Variants in NVL observed in about 807,000 individuals in gnomAD.
The protein encoded by NVL is nuclear VCP like, also known as nuclear valosin-containing protein-like.
A neutral mutation model predicts 110.2 loss-of-function variants in NVL; 84 were observed. The ratio of observed to expected loss-of-function variants is 0.76; its 90% CI spans 0.64 to 0.91. The LOEUF (loss-of-function observed/expected upper bound fraction) is 0.91. Ranked by LOEUF, NVL falls within the 40% of genes least tolerant of loss-of-function variation. The pLI is 0.00. For missense variants in NVL, 882 were observed against 1,035.9 expected, an observed-to-expected ratio of 0.85 and a Z score of 2.04; for synonymous variants, 354 against 361.1, an observed-to-expected ratio of 0.98 and a Z score of 0.22.
chr1:224,247,122 A>C (rs752193542), intron 19 of NVL, among the ~76,000 whole-genome samples: 54 of 152,214 alleles, frequency 3.5e-4, no homozygotes, highest in Non-Finnish European at 7.6e-4. Flanking sequence ...GTCATCATCA[A>C]GCTTGTTTGA....
intron 18 of NVL, among the ~76,000 whole-genome samples, chr1:224,265,260 T>C (rs1297315552): frequency 6.6e-6 from 1 of 151,882 alleles, no homozygotes; most frequent in Non-Finnish European, 1.5e-5. Flanking sequence ...ATCCCAGCAC[T>C]TTGGGAGGCC....
chr1:224,304,140 A>G (rs1373890112), intron 8 of NVL, among the ~76,000 whole-genome samples: 1 of 152,152 alleles, frequency 6.6e-6, no homozygotes, highest in South Asian at 2.1e-4. Flanking sequence ...TAAAGTTACC[A>G]TTACGGCCAG....
intron 1 of NVL, among the ~76,000 whole-genome samples, chr1:224,328,680 C>G (rs959385438): frequency 2.6e-5 from 4 of 152,126 alleles, no homozygotes; most frequent in Non-Finnish European, 1.5e-5. Flanking sequence ...AGATGGTATA[C>G]AGGAAATGAA....
At chr1:224,281,749 T>C (rs1468648215) in intron 15 of NVL, among the ~76,000 whole-genome samples, 1 of 151,250 alleles carries the variant, frequency 6.6e-6, no homozygotes, top group Non-Finnish European at 1.5e-5. Context: ...GGTCAGGAGT[T>C]TGAGACCAGC....
intron 2 of NVL, among the ~76,000 whole-genome samples, chr1:224,321,324 C>T (rs1670622995): frequency 6.6e-6 from 1 of 152,080 alleles, no homozygotes; most frequent in Non-Finnish European, 1.5e-5. Flanking sequence ...ACTCATGAGC[C>T]ATACAAAACA....
chr1:224,293,758 T>G (rs183111457), intron 12 of NVL, among the ~76,000 whole-genome samples: 71 of 152,344 alleles, frequency 4.7e-4, no homozygotes, highest in African/African-American at 1.7e-3. Flanking sequence ...ATAAGTCCAT[T>G]ACTACTTCTG....
chr1:224,275,397 G>C lies in NVL; in HGVS notation c.2024C>G (p.Pro675Arg), dbSNP rs1305744982. Reference protein sequence around the residue: ...QVFQRAKNSAPCVIFFDEVDA... With the variant: ...QVFQRAKNSARCVIFFDEVDA... Reference sequence around the variant, plus strand: ...CACTTCATCAAAGAATATCACACAGGGTGCTGAGTTCTTGGCTCGTTGAAA... The same window carrying C: ...CACTTCATCAAAGAATATCACACAGCGTGCTGAGTTCTTGGCTCGTTGAAA... Residue 675 changes from proline to arginine, a missense_variant, in exon 17 of 23, where the codon CCC becomes CGC. This residue lies in a region of NVL where 66 missense variants were observed against 127.5 expected (regional missense o/e 0.52). Transcript: ENST00000281701. 1 of 1,613,930 alleles carries C rather than the reference G, an allele frequency of 6.2e-7. No individual in the cohort carries two copies. The highest frequency in any genetic ancestry group is 8.5e-7 in the Non-Finnish European group (1 of 1,180,012).
chr1:224,275,529 C>G, intron 16 of NVL, 71 bp from the exon 17 acceptor site: 1 of 1,587,132 alleles, frequency 6.3e-7, no homozygotes, highest in Non-Finnish European at 8.6e-7. Flanking sequence ...TGATACTAAA[C>G]AGTTTTATGT....
At chr1:224,227,957 T>A (rs1659374593) in intron 22 of NVL, 1 of 181,700 alleles carries the variant, frequency 5.5e-6, no homozygotes, top group Admixed American at 6.1e-5. Context: ...AAGACAGCCA[T>A]CAGTGAGGAC....
intron 10 of NVL, chr1:224,298,191 G>T: frequency 1.0e-5 from 2 of 196,966 alleles, no homozygotes; most frequent in South Asian, 1.7e-4. Flanking sequence ...GCAACAGAAC[G>T]AGACTCTGTC....
chr1:224,274,678 A>G (rs987447479), intron 17 of NVL, among the ~76,000 whole-genome samples: 26 of 152,106 alleles, frequency 1.7e-4, no homozygotes, highest in African/African-American at 6.3e-4. Flanking sequence ...AGCAGTTGCT[A>G]TCTGCTTCAA....
intron 4 of NVL, among the ~76,000 whole-genome samples, chr1:224,313,624 G>GA (rs1375334765): frequency 2.0e-5 from 3 of 152,174 alleles, no homozygotes; most frequent in Middle Eastern, 3.4e-3. Context: ...AAATGAAATA[G>GA]AAAAAACTCC....
chr1:224,315,058 T>C (rs1572050117), intron 4 of NVL, among the ~76,000 whole-genome samples: 1 of 40 alleles, frequency 0.025, no homozygotes. Context: ...ACTCTGTTTC[T>C]TTTTTTTTTT....
In NVL at chr1:224,233,115, T is replaced by C. The variant is rs551528967; in HGVS notation, c.2455+86A>G. 5.9e-5 allele frequency: 66 copies of C among 1,110,872 alleles called. No individual in the cohort carries two copies. The African/African-American group carries it at 9.6e-4, about 16-fold the overall frequency. 68.8% of individuals were successfully genotyped at this position (1,110,872 alleles called of 1,614,324 possible). ...ACGTTAGCTTTAATATCATAGATAA[T>C]AGACACTAGAAAATGGTCATTTTCC... On this transcript the variant is annotated intron_variant, in intron 21 of 22. Transcript: ENST00000281701.
In NVL at chr1:224,317,807, A is replaced by G; in HGVS notation, c.185-14T>C. ...TTATGCTAAATACTGAAACAAAAAGAAAAACGCTATGAGCTAAAACAATCG... is the reference window on the plus strand; with the variant it reads ...TTATGCTAAATACTGAAACAAAAAGGAAAACGCTATGAGCTAAAACAATCG... On this transcript the variant is annotated splice_polypyrimidine_tract_variant and intron_variant, in intron 3 of 22. Transcript: ENST00000281701. 1 of 1,571,586 alleles carries G rather than the reference A, an allele frequency of 6.4e-7. No individual in the cohort carries two copies. The highest frequency in any genetic ancestry group is 1.7e-4 in the Middle Eastern group (1 of 5,978).
Position 224,303,876 on chromosome 1 carries a change from A to G in NVL, c.826-19T>C. On this transcript the variant is annotated intron_variant, in intron 8 of 22. Transcript: ENST00000281701. ...AGACCTCCTAGCAGAGGATAAGCAC[A>G]AAGATGTCTTTCAAGACAGAACAAT... 1.3e-6 allele frequency: 2 copies of G among 1,593,260 alleles called. No individual in the cohort carries two copies. The highest frequency in any genetic ancestry group is 2.3e-5 in the South Asian group (2 of 87,938).
At chr1:224,296,478 T>C in intron 11 of NVL, 23 bp downstream of exon 11, 1 of 1,239,056 alleles carries the variant, frequency 8.1e-7, no homozygotes, top group Non-Finnish European at 1.1e-6. Context: ...TCTCTTAAAA[T>C]GAATTTATTA....
chr1:224,313,801 G>A (rs917027997), intron 4 of NVL, among the ~76,000 whole-genome samples: 10 of 152,090 alleles, frequency 6.6e-5, no homozygotes, highest in East Asian at 5.8e-4. Flanking sequence ...TCAGGAGTTC[G>A]AGACCAGCCT....
intron 12 of NVL, among the ~76,000 whole-genome samples, chr1:224,293,430 C>T (rs892254534): frequency 9.9e-5 from 15 of 152,086 alleles, no homozygotes; most frequent in Non-Finnish European, 1.9e-4. Flanking sequence ...GAGATAGTCT[C>T]GCTTATGAAG....
Sources: gnomAD v4.1 joint callset for allele counts (sites outside exome capture counted in the v4.1 genomes callset) on GRCh38, gnomAD v4.1.1 for gene constraint, gnomAD v4.1.1 regional missense constraint, MANE v1.5 for transcripts, NCBI Gene and HGNC (gene_info 2026-07-23, HGNC 2026-07-21) for gene names.